PUS7: variants seen among roughly 807,000 people sequenced by gnomAD.
PUS7 encodes pseudouridylate synthase 7 homolog.
PUS7 carries 48 observed loss-of-function variants against 79.8 expected under a neutral mutation model. The observed-to-expected ratio is 0.60, with a 90% CI of 0.48 to 0.76. The LOEUF is 0.76. Ranked by LOEUF, PUS7 falls within the 30% of genes least tolerant of loss-of-function variation. The pLI is 0.00. For missense variants in PUS7, 729 were observed against 797.6 expected (o/e 0.91, Z 1.04); for synonymous variants, 286 against 272.2 (o/e 1.05, Z -0.50).
chr7:105,515,488 C>T (rs888708866), intron 1 of PUS7, among the ~76,000 whole-genome samples: 4 of 152,130 alleles, frequency 2.6e-5, no homozygotes, highest in African/African-American at 9.7e-5. Flanking sequence ...GGTTGCCAGT[C>T]TTTTTCTTGA....
chr7:105,468,380 G>C lies in PUS7; in HGVS notation c.1482C>G (p.Asp494Glu), dbSNP rs770998117. 1 of 1,613,618 alleles carries C rather than the reference G, an allele frequency of 6.2e-7. No homozygotes were observed. The highest frequency in any genetic ancestry group is 8.5e-7 in the Non-Finnish European group (1 of 1,179,782). Residue 494 changes from aspartate to glutamate, a missense_variant, in exon 12 of 16, where the codon GAC becomes GAG. Asp to Glu is a conservative substitution (Grantham distance 45, BLOSUM62 2). Coordinates refer to ENST00000469408, the MANE Select transcript of PUS7 (RefSeq NM_019042.5). The part of the protein sequence containing the change: ...WNNMVSKRIE[D>E]YGLKPVPGDL... Reference sequence around the variant, plus strand: ...CCCCTGGAACAGGTTTTAGTCCATAGTCTTCTATCCTCTTGCTTACCATGT... The same window carrying C: ...CCCCTGGAACAGGTTTTAGTCCATACTCTTCTATCCTCTTGCTTACCATGT...
chr7:105,469,971 T>C (rs927329533), intron 11 of PUS7, among the ~76,000 whole-genome samples: 3 of 152,238 alleles, frequency 2.0e-5, no homozygotes, highest in Non-Finnish European at 4.4e-5. Context: ...GCCCGCAGGC[T>C]GCAGGTTGGA....
rs532178797 is a variant in PUS7, at chr7:105,458,215, G to GA, written c.1850-290dup. On this transcript the variant is annotated intron_variant, in intron 15 of 15. Coordinates refer to ENST00000469408, the MANE Select transcript of PUS7 (RefSeq NM_019042.5). ...GAAATAATAATAAATTACGGCCTGGGAAAAAACAGAACAAGAATTTGATGA... is the reference window on the plus strand; with the variant it reads ...GAAATAATAATAAATTACGGCCTGGGAAAAAAACAGAACAAGAATTTGATGA... Among the ~76,000 whole-genome samples, 146 of 152,016 alleles carry GA rather than the reference G, an allele frequency of 9.6e-4. 3 individuals are homozygous for GA. The South Asian group carries it at 0.029, about 30-fold the overall frequency.
intron 1 of PUS7, among the ~76,000 whole-genome samples, chr7:105,519,127 T>C (rs989711761): frequency 2.6e-5 from 4 of 152,168 alleles, no homozygotes; most frequent in African/African-American, 9.7e-5. Flanking sequence ...ATCCACAACT[T>C]TCACTTTGTA....
Position 105,472,195 on chromosome 7 carries a change from TA to T in PUS7, c.1176-3del. 1 of 1,558,060 alleles carries T rather than the reference TA, an allele frequency of 6.4e-7. No homozygotes were observed. The highest frequency in any genetic ancestry group is 8.8e-7 in the Non-Finnish European group (1 of 1,131,960). On this transcript the variant is annotated splice_region_variant and splice_polypyrimidine_tract_variant and intron_variant, in intron 9 of 15. Coordinates refer to ENST00000469408, the MANE Select transcript of PUS7 (RefSeq NM_019042.5). ...GTCCAGGAATTTTGTAGTATAGCTC[TA>T]AAATTAAACAACATTTATTTTACTA... is the stretch of plus-strand genomic sequence containing the variant.
intron 1 of PUS7, among the ~76,000 whole-genome samples, chr7:105,515,354 T>C (rs974294341): frequency 1.3e-5 from 2 of 152,222 alleles, no homozygotes; most frequent in Non-Finnish European, 2.9e-5. Flanking sequence ...CTTCAGAACT[T>C]TGACTCCATT....
chr7:105,503,684 G>T lies in PUS7; in HGVS notation c.586-1120C>A, dbSNP rs1486474521. On this transcript the variant is annotated intron_variant, in intron 4 of 15. Coordinates refer to ENST00000469408, the MANE Select transcript of PUS7 (RefSeq NM_019042.5). The stretch of plus-strand genomic sequence containing the variant: ...GTCTGGCTCTGTCACCCAGGCTGGA[G>T]TGCAGTGATGCGACCTTGGCTCACT... 7.2e-5 allele frequency among the ~76,000 whole-genome samples: 11 copies of T among 152,292 alleles called. No homozygotes were observed. The East Asian group carries it at 2.1e-3, about 29-fold the overall frequency.
intron 1 of PUS7, among the ~76,000 whole-genome samples, chr7:105,510,857 A>G (rs1305437132): frequency 5.3e-5 from 8 of 152,078 alleles, no homozygotes; most frequent in Admixed American, 5.2e-4. Context: ...AACTTTTTCT[A>G]TGTTAATTAC....
intron 9 of PUS7, among the ~76,000 whole-genome samples, chr7:105,478,002 C>G (rs747653812): frequency 1.3e-5 from 2 of 151,690 alleles, no homozygotes; most frequent in African/African-American, 4.8e-5. Flanking sequence ...AGAGATGGGG[C>G]CTTGCTATGG....
intron 12 of PUS7, 114 bp downstream of exon 12, chr7:105,468,223 G>T: frequency 1.4e-6 from 2 of 1,382,696 alleles, no homozygotes; most frequent in Non-Finnish European, 2.0e-6. Flanking sequence ...GTGTACCACC[G>T]TGCCTCACCA....
chr7:105,496,940 C>T (rs1174952782), intron 5 of PUS7: 3 of 1,198,992 alleles, frequency 2.5e-6, no homozygotes, highest in Non-Finnish European at 3.2e-6. Flanking sequence ...ACATGAAATG[C>T]CAAATGCTCT....
chr7:105,506,288 C>T lies in PUS7; in HGVS notation c.399-15G>A, dbSNP rs1825454991. On this transcript the variant is annotated splice_polypyrimidine_tract_variant and intron_variant, in intron 2 of 15. Coordinates refer to ENST00000469408, the MANE Select transcript of PUS7 (RefSeq NM_019042.5). ...AGTCGGAGTATCTGATGAAAGAAAA[C>T]ATGAACTTTCAGATAATTAACATCC... The T allele has an allele frequency of 6.4e-7, 1 of 1,551,594 alleles. No individual in the cohort carries two copies. Among genetic ancestry groups the T allele is most frequent in the South Asian group, 1.1e-5 (1 of 87,866 alleles).
At chr7:105,473,878 C>T (rs1364984889) in intron 9 of PUS7, among the ~76,000 whole-genome samples, 2 of 152,240 alleles carry the variant, frequency 1.3e-5, no homozygotes, top group Middle Eastern at 3.4e-3. Flanking sequence ...AAAAACTGAA[C>T]GGTACATAAG....
chr7:105,457,579 T>C lies in PUS7; in HGVS notation c.*211A>G. The C allele has an allele frequency of 5.2e-6, 2 of 387,812 alleles. No individual in the cohort carries two copies. Among genetic ancestry groups the C allele is most frequent in the East Asian group, 4.3e-5 (1 of 23,234 alleles). 24.0% of individuals were successfully genotyped at this position (387,812 alleles called of 1,614,324 possible). ...CCTGAAGTGTATTTTGACTAATTTA[T>C]ATTCTGAGCTAAAATTAAGAACCTC... On this transcript the variant is annotated 3_prime_UTR_variant, in exon 16 of 16. Transcript: ENST00000469408.
chr7:105,521,274 GA>G (rs1381993206), intron 1 of PUS7, among the ~76,000 whole-genome samples: 6 of 151,162 alleles, frequency 4.0e-5, no homozygotes, highest in African/African-American at 1.2e-4. Context: ...TTTTGGAATG[GA>G]AAAAAAAAGT....
rs762472781 is a variant in PUS7 at position 105,518,338 on chromosome 7, A to G, written c.-33+3714T>C. Among the ~76,000 whole-genome samples the G allele has an allele frequency of 6.6e-5, 10 of 152,054 alleles. 1 individual carries two copies. Among genetic ancestry groups the G allele is most frequent in the South Asian group, 2.1e-4 (1 of 4,828 alleles). ...AAAAAAAATAAAATCCTTTACACCT[A>G]TAACAAAAATTAAGTTTAGCATTTT... On this transcript the variant is annotated intron_variant, in intron 1 of 15. Coordinates refer to ENST00000469408, the MANE Select transcript of PUS7 (RefSeq NM_019042.5).
chr7:105,484,124 C>A (rs1013949503), intron 7 of PUS7, among the ~76,000 whole-genome samples: 8 of 152,148 alleles, frequency 5.3e-5, no homozygotes, highest in Non-Finnish European at 7.3e-5. Context: ...TAGATTTTTA[C>A]ACTCTAAGAG....
intron 7 of PUS7, among the ~76,000 whole-genome samples, chr7:105,486,537 A>T (rs1824556039): frequency 6.6e-6 from 1 of 152,142 alleles, no homozygotes; most frequent in Non-Finnish European, 1.5e-5. Flanking sequence ...TAACCCAGGG[A>T]TTGTATCCCA....
intron 10 of PUS7, among the ~76,000 whole-genome samples, chr7:105,471,715 C>G (rs1179743313): frequency 1.3e-5 from 2 of 152,056 alleles, no homozygotes; most frequent in African/African-American, 4.8e-5. Context: ...GAGTTCGAGA[C>G]CAGCCTGGCC....
Sources: gnomAD v4.1 joint callset for allele counts (sites outside exome capture counted in the v4.1 genomes callset) on GRCh38, gnomAD v4.1.1 for gene constraint, MANE v1.5 for transcripts, NCBI Gene and HGNC (gene_info 2026-07-23, HGNC 2026-07-21) for gene names.